The following HIRA variants were observed in gnomAD, a reference collection of about 807,000 sequenced individuals.
HIRA encodes the protein protein HIRA.
Under a neutral mutation model 126.6 loss-of-function variants are expected in HIRA, and 13 were observed. That is an observed-to-expected ratio of 0.10 (90% confidence interval 0.07 to 0.16). The LOEUF (loss-of-function observed/expected upper bound fraction) is 0.16, where lower values mean the gene tolerates loss of function less well. Ranked by LOEUF, HIRA falls within the 10% of genes least tolerant of loss-of-function variation. The pLI, the probability that HIRA is intolerant of heterozygous loss-of-function variation, is 1.00. For missense variants in HIRA, 834 were observed against 1,314.4 expected, an observed-to-expected ratio of 0.63 and a Z score of 5.65; for synonymous variants, 511 against 520.0, an observed-to-expected ratio of 0.98 and a Z score of 0.24.
intron 22 of HIRA, 99 bp from the exon 23 acceptor site, chr22:19,353,618 G>GCCCTGGTGCCT: frequency 1.6e-6 from 2 of 1,261,094 alleles, no homozygotes; most frequent in Non-Finnish European, 2.1e-6. Flanking sequence ...GCAGGAGGCA[G>GCCCTGGTGCCT]GCACCAGGGC....
At chr22:19,421,967 C>T (rs567685214) in intron 1 of HIRA, among the ~76,000 whole-genome samples, 1 of 152,018 alleles carries the variant, frequency 6.6e-6, no homozygotes, top group Non-Finnish European at 1.5e-5. Context: ...CCACCATGCC[C>T]GGCCTGTTCT....
chr22:19,335,951 T>G (rs2088562925), intron 24 of HIRA, among the ~76,000 whole-genome samples: 2 of 152,232 alleles, frequency 1.3e-5, no homozygotes, highest in Non-Finnish European at 2.9e-5. Context: ...TGTACTGCAC[T>G]TTCTCATCGT....
chr22:19,331,610 G>T (rs1426975964), intron 24 of HIRA, 54 bp from the exon 25 acceptor site: 9 of 1,503,202 alleles, frequency 6.0e-6, no homozygotes, highest in Non-Finnish European at 8.1e-6. Context: ...GACCTAGATT[G>T]TGGGGACTTT....
chr22:19,331,574 C>G lies in HIRA; in HGVS notation c.2938-18G>C. ...CGCAGACCCTGTGGACACAGAGTGA[C>G]AGCTGAGTGCAAGTGTCAGTGAAGA... On this transcript the variant is annotated intron_variant, in intron 24 of 24. Transcript: ENST00000263208. 1 of 1,572,786 alleles carries G rather than the reference C, an allele frequency of 6.4e-7. No individual in the cohort carries two copies. The highest frequency in any genetic ancestry group is 8.7e-7 in the Non-Finnish European group (1 of 1,155,534).
chr22:19,426,174 C>T (rs989908014), intron 1 of HIRA, among the ~76,000 whole-genome samples: 1 of 152,180 alleles, frequency 6.6e-6, no homozygotes, highest in African/African-American at 2.4e-5. Context: ...TCCCTGTCTC[C>T]CTGAGCATCT....
Position 19,392,124 on chromosome 22 carries a change from T to C in HIRA, c.913A>G (p.Lys305Glu). 6.3e-7 allele frequency: 1 copy of C among 1,594,530 alleles called. No individual in the cohort carries two copies. Among genetic ancestry groups the C allele is most frequent in the Non-Finnish European group, 8.6e-7 (1 of 1,164,366 alleles). ...ACCCAGACAGAAAGCGAGCGGTCCT[T>C]GCTGCCAACAGCACAGCAGCAGTAC... ...CPYCCCAVGS[K>E]DRSLSVWLTC... Residue 305 changes from lysine (K) to glutamate (E), a missense_variant, in exon 9 of 25, where the codon AAG (lysine) becomes GAG (glutamate). Transcript: ENST00000263208.
chr22:19,424,783 T>G (rs1416493772), intron 1 of HIRA, among the ~76,000 whole-genome samples: 20 of 151,686 alleles, frequency 1.3e-4, no homozygotes, highest in Admixed American at 1.3e-3. Context: ...ATCTGTGAAC[T>G]GTAATGCTGC....
intron 1 of HIRA, among the ~76,000 whole-genome samples, chr22:19,428,656 G>T (rs978280115): frequency 5.9e-5 from 9 of 152,124 alleles, no homozygotes; most frequent in Admixed American, 2.0e-4. Context: ...AACAGAAAAA[G>T]TATGTTCATG....
rs1363186035 is a variant in HIRA at position 19,394,536 on chromosome 22, G to A, written c.655-27C>T. ...TGAAAGAAGCATCTGCACTTGAAAGGAGCTCAAGGCCACCTTTGTGACCAA... is the reference window on the plus strand; with the variant it reads ...TGAAAGAAGCATCTGCACTTGAAAGAAGCTCAAGGCCACCTTTGTGACCAA... On this transcript the variant is annotated intron_variant, in intron 7 of 24. Transcript: ENST00000263208. The A allele has an allele frequency of 1.9e-6, 3 of 1,607,862 alleles. No homozygotes were observed. In the East Asian group the frequency reaches 6.7e-5, roughly 36 times the overall value.
intron 24 of HIRA, among the ~76,000 whole-genome samples, chr22:19,342,452 T>A (rs2088640956): frequency 6.6e-6 from 1 of 152,172 alleles, no homozygotes; most frequent in Non-Finnish European, 1.5e-5. Context: ...AGTGGCACGA[T>A]CTCGGCTCAC....
chr22:19,412,276 G>A (rs2089359426), intron 1 of HIRA, among the ~76,000 whole-genome samples: 1 of 152,170 alleles, frequency 6.6e-6, no homozygotes, highest in Non-Finnish European at 1.5e-5. Context: ...GAGAATCAAG[G>A]TCACAGACAC....
intron 18 of HIRA, among the ~76,000 whole-genome samples, 186 bp from the exon 19 acceptor site, chr22:19,357,237 T>C (rs2088821374): frequency 6.6e-6 from 1 of 152,118 alleles, no homozygotes; most frequent in Non-Finnish European, 1.5e-5. Context: ...CTCCCTGAGA[T>C]CTTGGATGAA....
chr22:19,411,331 A>G (rs140327246), intron 1 of HIRA, among the ~76,000 whole-genome samples: 264 of 152,356 alleles, frequency 1.7e-3, no homozygotes, highest in Middle Eastern at 3.4e-3. Flanking sequence ...TTAGCTGTTC[A>G]ATTCCTCCAG....
chr22:19,361,784 C>T lies in HIRA; in HGVS notation c.1923G>A (p.Lys641=), dbSNP rs751897645. The change falls in exon 16 of 25, where the codon AAG becomes AAA. Residue 641 remains lysine (K), a synonymous_variant. Coordinates refer to ENST00000263208, the MANE Select transcript of HIRA (RefSeq NM_003325.4). Reference sequence around the variant, plus strand: ...AGTCCTTCCGAGGCCGCCCTTTCTTCTTCTTCTCTACTGTCTCTACCTCAA... The same window carrying T: ...AGTCCTTCCGAGGCCGCCCTTTCTTTTTCTTCTCTACTGTCTCTACCTCAA... ...LELEVETVEK[K]KKGRPRKDSR... The T allele has an allele frequency of 9.3e-6, 15 of 1,613,738 alleles. No homozygotes were observed. The East Asian group carries it at 3.1e-4, about 34-fold the overall frequency.
chr22:19,345,532 T>C (rs1270630793), intron 24 of HIRA, among the ~76,000 whole-genome samples: 1 of 151,134 alleles, frequency 6.6e-6, no homozygotes, highest in South Asian at 2.1e-4. Context: ...CCAGGACTGG[T>C]TTTTTTTTAT....
chr22:19,422,290 C>T (rs1456917706), intron 1 of HIRA, among the ~76,000 whole-genome samples: 1 of 151,664 alleles, frequency 6.6e-6, no homozygotes, highest in African/African-American at 2.4e-5. Flanking sequence ...CACAGAGTCT[C>T]CCCCACCAGC....
chr22:19,365,275 A>G (rs1437595782), intron 15 of HIRA, among the ~76,000 whole-genome samples: 1 of 152,254 alleles, frequency 6.6e-6, no homozygotes, highest in African/African-American at 2.4e-5. Flanking sequence ...AGGTGGTAAC[A>G]CTAAACAACA....
Position 19,431,554 on chromosome 22 carries a change from C to G in HIRA, c.-78G>C. On this transcript the variant is annotated 5_prime_UTR_variant, in exon 1 of 25. Coordinates refer to ENST00000263208, the MANE Select transcript of HIRA (RefSeq NM_003325.4). ...GCCCGGGCCATGGAGCCACCGCCGC[C>G]GCTTCCTCCCGCGCCACCCGCCCTC... The G allele has an allele frequency of 9.0e-7, 1 of 1,113,498 alleles. No homozygotes were observed. The highest frequency in any genetic ancestry group is 1.1e-6 in the Non-Finnish European group (1 of 905,670). The allele number at this position is 1,113,498 out of a possible 1,614,324, so 69.0% of individuals were successfully genotyped here. A position where few individuals can be genotyped will look rare whatever the true frequency, so the allele number is the denominator to read the frequency against.
At chr22:19,341,862 C>T (rs138556765) in intron 24 of HIRA, among the ~76,000 whole-genome samples, 18 of 152,220 alleles carry the variant, frequency 1.2e-4, no homozygotes, top group African/African-American at 3.9e-4. Flanking sequence ...AAGATAACAT[C>T]GGAAAAACTC....
Sources: gnomAD v4.1 joint callset for allele counts (sites outside exome capture counted in the v4.1 genomes callset) on GRCh38, gnomAD v4.1.1 for gene constraint, MANE v1.5 for transcripts, NCBI Gene and HGNC (gene_info 2026-07-23, HGNC 2026-07-21) for gene names.